Variants in ZBTB20 observed in about 807,000 individuals in gnomAD.
The protein encoded by ZBTB20 is zinc finger and BTB domain-containing protein 20.
Under a neutral mutation model 56.9 loss-of-function variants are expected in ZBTB20, and 9 were observed. The ratio of observed to expected loss-of-function variants is 0.16; its 90% CI spans 0.10 to 0.28. The LOEUF (loss-of-function observed/expected upper bound fraction) is 0.28. ZBTB20 is among the 10% of genes least tolerant of loss of function. The pLI is 1.00. For missense variants in ZBTB20, 655 were observed against 1,003.0 expected (o/e 0.65, Z 4.69); for synonymous variants, 417 against 420.7 (o/e 0.99, Z 0.11).
intron 4 of ZBTB20, among the ~76,000 whole-genome samples, chr3:114,842,346 G>A (rs2074417098): frequency 6.6e-6 from 1 of 152,144 alleles, no homozygotes; most frequent in African/African-American, 2.4e-5. Flanking sequence ...GGGCTAACCT[G>A]AGGCAAAACT....
At chr3:114,835,570 G>T (rs948875473) in intron 4 of ZBTB20, among the ~76,000 whole-genome samples, 5 of 151,942 alleles carry the variant, frequency 3.3e-5, no homozygotes, top group Non-Finnish European at 5.9e-5. Flanking sequence ...TTTATAATAC[G>T]CCAGTTCATA....
intron 6 of ZBTB20, among the ~76,000 whole-genome samples, chr3:114,686,376 G>A (rs1197142238): frequency 6.6e-6 from 1 of 152,142 alleles, no homozygotes; most frequent in Non-Finnish European, 1.5e-5. Context: ...AGGAAATCCA[G>A]AGAACAACTG....
intron 6 of ZBTB20, among the ~76,000 whole-genome samples, chr3:114,599,854 G>C (rs1340419854): frequency 6.6e-6 from 1 of 151,908 alleles, no homozygotes; most frequent in Non-Finnish European, 1.5e-5. Context: ...ATCTAGATTA[G>C]GGTTACATGA....
At chr3:115,005,574 A>G (rs1269469445) in intron 2 of ZBTB20, among the ~76,000 whole-genome samples, 1 of 151,832 alleles carries the variant, frequency 6.6e-6, no homozygotes, top group Non-Finnish European at 1.5e-5. Context: ...CATGTTCTGA[A>G]CATCTCTTTG....
At position 114,314,564 on chromosome 3, in the gene ZBTB20, C is replaced by T. The variant is rs1321131955; in HGVS notation, c.*24441G>A. 3.4e-5 allele frequency: 5 copies of T among 147,020 alleles called. No homozygotes were observed. Among genetic ancestry groups the T allele is most frequent in the African/African-American group, 1.3e-4 (5 of 39,828 alleles). The allele number at this position is 147,020 out of a possible 1,614,324, so 9.1% of individuals were successfully genotyped here. A position where few individuals can be genotyped will look rare whatever the true frequency, so the allele number is the denominator to read the frequency against. ...ACTTCACAAACAGTGTGAACTTGTA[C>T]AATACCTCGGAAAGTGAAACTTACA... On this transcript the variant is annotated 3_prime_UTR_variant, in exon 12 of 12. Coordinates refer to ENST00000675478, the MANE Select transcript of ZBTB20 (RefSeq NM_001348800.3).
At chr3:114,782,390 C>T (rs1300017595) in intron 5 of ZBTB20, among the ~76,000 whole-genome samples, 1 of 152,078 alleles carries the variant, frequency 6.6e-6, no homozygotes, top group Non-Finnish European at 1.5e-5. Context: ...CAGGTTCTAT[C>T]CAATGGAGGG....
At chr3:115,135,782 T>C (rs2084637362) in intron 1 of ZBTB20, among the ~76,000 whole-genome samples, 1 of 152,156 alleles carries the variant, frequency 6.6e-6, no homozygotes, top group Non-Finnish European at 1.5e-5. Flanking sequence ...TAAGTAATTA[T>C]ATTATATTAT....
At chr3:114,796,388 T>C (rs886956188) in intron 5 of ZBTB20, among the ~76,000 whole-genome samples, 1 of 151,954 alleles carries the variant, frequency 6.6e-6, no homozygotes, top group African/African-American at 2.4e-5. Context: ...AGAAATGGGA[T>C]CAGAGTTAGA....
Position 114,318,686 on chromosome 3 carries a change from A to T in ZBTB20, c.*20319T>A, listed in dbSNP as rs867428000. 1 of 152,258 alleles carries T rather than the reference A, an allele frequency of 6.6e-6. No individual in the cohort carries two copies. The highest frequency in any genetic ancestry group is 2.4e-5 in the African/African-American group (1 of 41,476). 9.4% of individuals were successfully genotyped at this position (152,258 alleles called of 1,614,324 possible). On this transcript the variant is annotated 3_prime_UTR_variant, in exon 12 of 12. Coordinates refer to ENST00000675478, the MANE Select transcript of ZBTB20 (RefSeq NM_001348800.3). Reference sequence around the variant, plus strand: ...AGAGCCCGGCTGTGTCATACAAAAAAGGGCAACGCACAGCAGGATTTCAGA... The same window carrying T: ...AGAGCCCGGCTGTGTCATACAAAAATGGGCAACGCACAGCAGGATTTCAGA...
chr3:114,489,990 A>G (rs1208975428), intron 7 of ZBTB20, among the ~76,000 whole-genome samples: 1 of 152,070 alleles, frequency 6.6e-6, no homozygotes, highest in Non-Finnish European at 1.5e-5. Flanking sequence ...CCCTCTCCAT[A>G]TCTTCTCTTG....
chr3:114,429,137 C>T (rs2089935565), intron 7 of ZBTB20, among the ~76,000 whole-genome samples: 2 of 152,058 alleles, frequency 1.3e-5, no homozygotes, highest in South Asian at 2.1e-4. Flanking sequence ...TTCATTTGTT[C>T]AGTGAACAAA....
intron 7 of ZBTB20, among the ~76,000 whole-genome samples, chr3:114,495,040 C>T (rs781263838): frequency 1.3e-5 from 2 of 152,216 alleles, no homozygotes; most frequent in Non-Finnish European, 2.9e-5. Flanking sequence ...GCCTGCAAGG[C>T]TCTTTCATGA....
chr3:114,740,182 G>A (rs1292115184), intron 5 of ZBTB20, among the ~76,000 whole-genome samples: 1 of 152,106 alleles, frequency 6.6e-6, no homozygotes, highest in East Asian at 1.9e-4. Flanking sequence ...CTGTTGCCAT[G>A]CCAAATGTAT....
intron 5 of ZBTB20, among the ~76,000 whole-genome samples, chr3:114,757,672 T>G (rs1458938026): frequency 6.6e-6 from 1 of 152,126 alleles, no homozygotes; most frequent in African/African-American, 2.4e-5. Flanking sequence ...AAAATATATT[T>G]TCTAAACTTT....
rs556498075 is a variant in ZBTB20, at chr3:115,115,067, A to G, written c.-703+32152T>C. ...TCATAAAGATTCCACTAAAATTTTA[A>G]GATTCTTTCACATTTGGTAACATAT... is the stretch of plus-strand genomic sequence containing the variant. On this transcript the variant is annotated intron_variant, in intron 1 of 11. Coordinates refer to ENST00000675478, the MANE Select transcript of ZBTB20 (RefSeq NM_001348800.3). Among the ~76,000 whole-genome samples, 7 of 152,234 alleles carry G rather than the reference A, an allele frequency of 4.6e-5. No individual in the cohort carries two copies. The East Asian group carries it at 1.3e-3, about 29-fold the overall frequency.
At chr3:114,959,986 C>CA (rs1252352127) in intron 3 of ZBTB20, among the ~76,000 whole-genome samples, 1 of 151,950 alleles carries the variant, frequency 6.6e-6, no homozygotes, top group East Asian at 1.9e-4. Flanking sequence ...CAAATTCCCC[C>CA]AAAAAAGGGG....
chr3:114,788,257 T>C (rs1292473043), intron 5 of ZBTB20, among the ~76,000 whole-genome samples: 1 of 152,188 alleles, frequency 6.6e-6, no homozygotes, highest in African/African-American at 2.4e-5. Flanking sequence ...TCAGTGGCAT[T>C]ATGTATACTC....
At chr3:114,808,466 TTAACTA>T (rs2072282741) in intron 4 of ZBTB20, among the ~76,000 whole-genome samples, 1 of 151,990 alleles carries the variant, frequency 6.6e-6, no homozygotes, top group Non-Finnish European at 1.5e-5. Context: ...TAATATAGTA[TTAACTA>T]TAACTATACC....
At chr3:114,781,068 T>C (rs1578839034) in intron 5 of ZBTB20, among the ~76,000 whole-genome samples, 1 of 152,318 alleles carries the variant, frequency 6.6e-6, no homozygotes, top group Admixed American at 6.5e-5. Flanking sequence ...AGGCAAATTT[T>C]AATTTGAAGA....
Sources: gnomAD v4.1 joint callset for allele counts (sites outside exome capture counted in the v4.1 genomes callset) on GRCh38, gnomAD v4.1.1 for gene constraint, MANE v1.5 for transcripts, NCBI Gene and HGNC (gene_info 2026-07-23, HGNC 2026-07-21) for gene names.